Variants in ROCK2 observed in about 807,000 individuals in gnomAD.
ROCK2 encodes the protein Rho associated coiled-coil containing protein kinase 2, also known as rho-associated protein kinase 2.
A neutral mutation model predicts 195.1 loss-of-function variants in ROCK2; 61 were observed. The observed-to-expected ratio is 0.31, with a 90% CI of 0.25 to 0.39. The LOEUF (loss-of-function observed/expected upper bound fraction) is 0.39, where lower values mean the gene tolerates loss of function less well. ROCK2 is among the 10% of genes least tolerant of loss of function. ROCK2 has a pLI of 1.00. For synonymous variants in ROCK2, 504 were observed against 545.5 expected, an observed-to-expected ratio of 0.92 and a Z score of 1.06; for missense variants, 1,109 against 1,637.4, an observed-to-expected ratio of 0.68 and a Z score of 5.57.
At chr2:11,242,172 C>A (rs1051144174) in intron 4 of ROCK2, among the ~76,000 whole-genome samples, 1 of 151,862 alleles carries the variant, frequency 6.6e-6, no homozygotes, top group African/African-American at 2.4e-5. Context: ...GTTATAGGAG[C>A]CCTAATGGAC....
At position 11,286,630 on chromosome 2, in the gene ROCK2, A is replaced by G. The variant is rs1460362071; in HGVS notation, c.233T>C (p.Ile78Thr). 2 of 1,582,960 alleles carry G rather than the reference A, an allele frequency of 1.3e-6. No homozygotes were observed. The highest frequency in any genetic ancestry group is 1.7e-6 in the Non-Finnish European group (2 of 1,154,284). Residue 78 changes from isoleucine (I) to threonine (T), a missense_variant, in exon 3 of 33, where the codon ATT becomes ACT. Physicochemically the swap from Ile to Thr is moderately conservative, Grantham distance 89. Around this residue, in one of 6 missense-constraint regions of ROCK2, gnomAD observed 253 missense variants for 455.5 expected, o/e 0.56. Transcript: ENST00000315872. ...IDNFLNRYEK[I>T]VKKIRGLQMK... ...CTGTAGACCTCTGATTTTTTTCACA[A>G]TTTTCTCATCTACCATAAAAAGATC...
intron 3 of ROCK2, among the ~76,000 whole-genome samples, chr2:11,259,409 C>T (rs1666145205): frequency 6.6e-6 from 1 of 151,228 alleles, no homozygotes; most frequent in South Asian, 2.1e-4. Flanking sequence ...TTCATAAGCA[C>T]TCTGGAAGCT....
At chr2:11,210,418 C>T (rs961481607) in intron 18 of ROCK2, among the ~76,000 whole-genome samples, 2 of 151,816 alleles carry the variant, frequency 1.3e-5, no homozygotes, top group Admixed American at 6.6e-5. Context: ...CTCCTGGGCT[C>T]AAGCAATGTT....
intron 1 of ROCK2, among the ~76,000 whole-genome samples, chr2:11,315,633 C>T (rs1006066060): frequency 6.6e-6 from 1 of 151,906 alleles, no homozygotes; most frequent in South Asian, 2.1e-4. Flanking sequence ...CATTTAACAA[C>T]AAGCAAAGTC....
chr2:11,311,096 C>A (rs1449815160), intron 1 of ROCK2, among the ~76,000 whole-genome samples: 1 of 151,514 alleles, frequency 6.6e-6, no homozygotes, highest in Non-Finnish European at 1.5e-5. Context: ...ATATCAAGCC[C>A]CTGAAATTCT....
intron 1 of ROCK2, among the ~76,000 whole-genome samples, chr2:11,298,153 G>A (rs1304410377): frequency 6.6e-6 from 1 of 152,024 alleles, no homozygotes; most frequent in African/African-American, 2.4e-5. Context: ...GGGTGCATTG[G>A]ATAATAATGA....
intron 7 of ROCK2, among the ~76,000 whole-genome samples, chr2:11,222,859 C>A (rs908909044): frequency 6.6e-6 from 1 of 152,086 alleles, no homozygotes; most frequent in Non-Finnish European, 1.5e-5. Context: ...GGCATTAACT[C>A]GTTTTCAAAA....
intron 3 of ROCK2, among the ~76,000 whole-genome samples, chr2:11,285,876 GA>G (rs1213282637): frequency 2.6e-5 from 4 of 151,214 alleles, no homozygotes; most frequent in Non-Finnish European, 4.4e-5. Flanking sequence ...GCAATGAAAG[GA>G]AAAAAAAGTC....
At chr2:11,211,592 TA>T (rs955038484) in intron 18 of ROCK2, 88 bp downstream of exon 18, 1,254 of 1,205,130 alleles carry the variant, frequency 1.0e-3, no homozygotes, top group South Asian at 1.7e-3. Flanking sequence ...CAATGAAATA[TA>T]AAAAAAAATG....
Position 11,183,336 on chromosome 2 carries a change from A to G in ROCK2, c.*101T>C. 1 of 919,076 alleles carries G rather than the reference A, an allele frequency of 1.1e-6. No homozygotes were observed. The highest frequency in any genetic ancestry group is 1.7e-6 in the Non-Finnish European group (1 of 586,678). The allele number at this position is 919,076 out of a possible 1,614,324, so 56.9% of individuals were successfully genotyped here. A position where few individuals can be genotyped will look rare whatever the true frequency, so the allele number is the denominator to read the frequency against. ...GAGTGTATGTATCAGTCTCTCAGGA[A>G]AATATAGCTTTTTAATAAATTTTGG... On this transcript the variant is annotated 3_prime_UTR_variant, in exon 33 of 33. Coordinates refer to ENST00000315872, the MANE Select transcript of ROCK2 (RefSeq NM_004850.5).
At chr2:11,301,870 C>G (rs578157445) in intron 1 of ROCK2, among the ~76,000 whole-genome samples, 31 of 152,128 alleles carry the variant, frequency 2.0e-4, no homozygotes, top group African/African-American at 7.2e-4. Context: ...TCCCTTGCCC[C>G]TTACTTCAAG....
At position 11,192,899 on chromosome 2, in the gene ROCK2, CAG is replaced by C. The variant is rs1663483607; in HGVS notation, c.3688-189_3688-188del. On this transcript the variant is annotated intron_variant, in intron 30 of 32. Coordinates refer to ENST00000315872, the MANE Select transcript of ROCK2 (RefSeq NM_004850.5). This position sits in a 1 kb window ranked among gnomAD's most constrained non-coding sequence, Gnocchi z 5.0. ...CAAGAGCTTATATAAGAAAAGTCAT[CAG>C]ACAGTCACTTTGGTTTGCATTTCAA... is the stretch of plus-strand genomic sequence containing the variant. 6.6e-6 allele frequency among the ~76,000 whole-genome samples: 1 copy of C among 152,166 alleles called. No individual in the cohort carries two copies. Among genetic ancestry groups the C allele is most frequent in the Non-Finnish European group, 1.5e-5 (1 of 68,022 alleles).
At position 11,331,664 on chromosome 2, in the gene ROCK2, C is replaced by T. The variant is rs563579330; in HGVS notation, c.141+12332G>A. Among the ~76,000 whole-genome samples, 14 of 152,200 alleles carry T rather than the reference C, an allele frequency of 9.2e-5. No homozygotes were observed. The South Asian group carries it at 2.5e-3, about 27-fold the overall frequency. On this transcript the variant is annotated intron_variant, in intron 1 of 32. Transcript: ENST00000315872. The stretch of plus-strand genomic sequence containing the variant: ...CCAATTAGCCAGGCGCGGTGGCTCA[C>T]GCCTGTAATCCCAGCACTTTGGGAG...
At chr2:11,327,370 A>T (rs185317515) in intron 1 of ROCK2, among the ~76,000 whole-genome samples, 1 of 152,332 alleles carries the variant, frequency 6.6e-6, no homozygotes, top group Admixed American at 6.5e-5. Context: ...TGAGGTCCAG[A>T]GTAGCTCCAT....
chr2:11,292,052 C>T (rs1256647071), intron 1 of ROCK2, among the ~76,000 whole-genome samples: 2 of 152,090 alleles, frequency 1.3e-5, no homozygotes, highest in East Asian at 3.8e-4. Flanking sequence ...TTTAGTAACT[C>T]AGAGGTTAGC....
intron 32 of ROCK2, among the ~76,000 whole-genome samples, chr2:11,188,111 T>C (rs1028667588): frequency 6.8e-6 from 1 of 146,800 alleles, no homozygotes; most frequent in African/African-American, 2.5e-5. Flanking sequence ...TAATTTTTTT[T>C]TTTTTTTTTT....
At chr2:11,276,294 C>T (rs547648722) in intron 3 of ROCK2, among the ~76,000 whole-genome samples, 2 of 152,184 alleles carry the variant, frequency 1.3e-5, no homozygotes, top group South Asian at 4.2e-4. Context: ...AAAGATCCCA[C>T]CTCCCAAAAA....
rs1386971564 is a variant in ROCK2 at position 11,182,918 on chromosome 2, G to T, written c.*519C>A. The T allele has an allele frequency of 6.6e-6, 1 of 152,120 alleles. No homozygotes were observed. Among genetic ancestry groups the T allele is most frequent in the Non-Finnish European group, 1.5e-5 (1 of 67,960 alleles). 9.4% of individuals were successfully genotyped at this position (152,120 alleles called of 1,614,324 possible). A position where few individuals can be genotyped will look rare whatever the true frequency, so the allele number is the denominator to read the frequency against. On this transcript the variant is annotated 3_prime_UTR_variant, in exon 33 of 33. Transcript: ENST00000315872. The stretch of plus-strand genomic sequence containing the variant: ...TTAATGTGTATAAAAAATAAAGTGG[G>T]AAGTTTAAAAAACCTTCTTGCAGTA...
chr2:11,235,627 G>A lies in ROCK2; in HGVS notation c.723+75C>T, dbSNP rs907299627. The stretch of plus-strand genomic sequence containing the variant: ...TAAATTTACCTTTGTTCAAAACTAT[G>A]AAGACCTGACTTAAAGTATTTCATT... On this transcript the variant is annotated intron_variant, in intron 5 of 32. Coordinates refer to ENST00000315872, the MANE Select transcript of ROCK2 (RefSeq NM_004850.5). This position sits in a 1 kb window ranked among gnomAD's most constrained non-coding sequence, Gnocchi z 4.2. The A allele has an allele frequency of 1.4e-5, 20 of 1,458,328 alleles. No individual in the cohort carries two copies. Among genetic ancestry groups the A allele is most frequent in the Admixed American group, 2.2e-5 (1 of 46,356 alleles). The allele number at this position is 1,458,328 out of a possible 1,614,324, so 90.3% of individuals were successfully genotyped here. A position where few individuals can be genotyped will look rare whatever the true frequency, so the allele number is the denominator to read the frequency against.
Sources: allele counts gnomAD v4.1 joint callset (sites outside exome capture counted in the v4.1 genomes callset), GRCh38; gene constraint gnomAD v4.1.1; regional missense constraint gnomAD v4.1.1; non-coding constraint Gnocchi (gnomAD v3.1); transcripts MANE v1.5; gene names NCBI Gene and HGNC (gene_info 2026-07-23, HGNC 2026-07-21).